ALOX5: variants seen among roughly 807,000 people sequenced by gnomAD.
ALOX5 encodes the protein polyunsaturated fatty acid 5-lipoxygenase.
ALOX5 carries 64 observed loss-of-function variants against 87.9 expected under a neutral mutation model. The ratio of observed to expected loss-of-function variants is 0.73; its 90% CI spans 0.60 to 0.90. The LOEUF is 0.90. ALOX5 is among the 40% of genes least tolerant of loss of function. ALOX5 has a pLI of 0.00. For missense variants in ALOX5, 822 were observed against 907.5 expected, an observed-to-expected ratio of 0.91 and a Z score of 1.21; for synonymous variants, 388 against 355.1, an observed-to-expected ratio of 1.09 and a Z score of -1.04.
At position 45,425,250 on chromosome 10, in the gene ALOX5, C is replaced by T. The variant is rs954515331; in HGVS notation, c.834+118C>T. ...GCTAACTGCAGGCCCATCTGGCCTA[C>T]AGCAGCCGCTTCCTTTTCCTGGCAG... is the stretch of plus-strand genomic sequence containing the variant. On this transcript the variant is annotated intron_variant, in intron 6 of 13. Transcript: ENST00000374391. This position sits in a 1 kb window ranked among gnomAD's most constrained non-coding sequence, Gnocchi z 4.4. The T allele has an allele frequency of 8.6e-6, 11 of 1,274,226 alleles. No individual in the cohort carries two copies. The highest frequency in any genetic ancestry group is 1.2e-5 in the Non-Finnish European group (11 of 943,828). The allele number at this position is 1,274,226 out of a possible 1,614,324, so 78.9% of individuals were successfully genotyped here.
intron 2 of ALOX5, among the ~76,000 whole-genome samples, chr10:45,394,803 A>G (rs984453088): frequency 4.6e-5 from 7 of 152,384 alleles, no homozygotes; most frequent in South Asian, 2.1e-4. Flanking sequence ...AAGGATATGA[A>G]CAGACACTTC....
chr10:45,389,250 C>G (rs1840114688), intron 2 of ALOX5, among the ~76,000 whole-genome samples: 2 of 152,132 alleles, frequency 1.3e-5, no homozygotes, highest in African/African-American at 4.8e-5. Flanking sequence ...GAGAATGGAA[C>G]CAGGTTGGAA....
chr10:45,380,524 TG>T (rs1839788752), intron 1 of ALOX5, among the ~76,000 whole-genome samples: 1 of 152,184 alleles, frequency 6.6e-6, no homozygotes, highest in African/African-American at 2.4e-5. Context: ...GGGCATGGAA[TG>T]GGGATGCCTG....
intron 7 of ALOX5, among the ~76,000 whole-genome samples, chr10:45,432,785 G>T (rs74831694): frequency 6.6e-6 from 1 of 152,202 alleles, no homozygotes; most frequent in Non-Finnish European, 1.5e-5. Context: ...AGGAAACCAA[G>T]AAGTTATAAG....
At chr10:45,426,977 AGCCAGT>A (rs1228502650) in intron 6 of ALOX5, among the ~76,000 whole-genome samples, 1 of 152,224 alleles carries the variant, frequency 6.6e-6, no homozygotes, top group African/African-American at 2.4e-5. Context: ...TGATTCTGTG[AGCCAGT>A]GCCCACGGCC....
At chr10:45,418,928 G>C (rs543060850) in intron 4 of ALOX5, among the ~76,000 whole-genome samples, 11 of 152,238 alleles carry the variant, frequency 7.2e-5, no homozygotes, top group Admixed American at 4.6e-4. Flanking sequence ...GCAGAAATGC[G>C]GCCGGTCCTG....
intron 2 of ALOX5, among the ~76,000 whole-genome samples, chr10:45,391,729 G>A (rs1006229039): frequency 4.0e-5 from 6 of 151,572 alleles, no homozygotes; most frequent in Non-Finnish European, 5.9e-5. Context: ...GAGATGTGGG[G>A]AGCACCACTG....
chr10:45,402,460 G>A (rs1840736318), intron 3 of ALOX5, among the ~76,000 whole-genome samples: 1 of 152,162 alleles, frequency 6.6e-6, no homozygotes, highest in Admixed American at 6.5e-5. Context: ...CATGCATCTC[G>A]AGGACAGGGG....
At chr10:45,400,765 AGG>A (rs1174492114) in intron 3 of ALOX5, among the ~76,000 whole-genome samples, 3 of 152,218 alleles carry the variant, frequency 2.0e-5, no homozygotes, top group African/African-American at 7.2e-5. Flanking sequence ...TCAGGTTAGT[AGG>A]TGAGTAGTTG....
intron 4 of ALOX5, among the ~76,000 whole-genome samples, chr10:45,415,271 T>TA (rs949730307): frequency 2.7e-4 from 41 of 152,350 alleles, no homozygotes; most frequent in Middle Eastern, 3.4e-3. Flanking sequence ...AAGGATGAGT[T>TA]AATGTCCTTT....
Position 45,441,353 on chromosome 10 carries a change from GCA to G in ALOX5, c.1199_1200del (p.His400ArgfsTer13). The G allele has an allele frequency of 6.2e-7, 1 of 1,613,202 alleles. No homozygotes were observed. Among genetic ancestry groups the G allele is most frequent in the South Asian group, 1.1e-5 (1 of 90,990 alleles). On this transcript the variant is annotated frameshift_variant, in exon 9 of 14. Coordinates refer to ENST00000374391, the MANE Select transcript of ALOX5 (RefSeq NM_000698.5). LOFTEE classifies it high-confidence loss of function. Reference protein sequence around the residue: ...AVHPIFKLLVAHVRFTIAINT... With the variant: ...AVHPIFKLLVXHVRFTIAINT... ...CCTCTCCCCTCCCCAGCTGCTGGTG[GCA>G]CACGTGAGATTCACCATTGCAATCA...
chr10:45,378,737 G>A (rs1382639726), intron 1 of ALOX5, among the ~76,000 whole-genome samples: 1 of 152,132 alleles, frequency 6.6e-6, no homozygotes. Context: ...ATCAAGCTTT[G>A]TCTTTTACTC....
Position 45,374,250 on chromosome 10 carries a change from C to G in ALOX5, c.-30C>G, listed in dbSNP as rs1208416966. On this transcript the variant is annotated 5_prime_UTR_variant, in exon 1 of 14. Coordinates refer to ENST00000374391, the MANE Select transcript of ALOX5 (RefSeq NM_000698.5). ...CACCTGGACCGCCGCGCCGAGGCTCCCGGCGCTCGCTGCTCCCGCGGCCCG... is the reference window on the plus strand; with the variant it reads ...CACCTGGACCGCCGCGCCGAGGCTCGCGGCGCTCGCTGCTCCCGCGGCCCG... 7.6e-6 allele frequency: 11 copies of G among 1,453,656 alleles called. No individual in the cohort carries two copies. The highest frequency in any genetic ancestry group is 9.1e-6 in the Non-Finnish European group (10 of 1,102,426). 90.0% of individuals were successfully genotyped at this position (1,453,656 alleles called of 1,614,324 possible). A position where few individuals can be genotyped will look rare whatever the true frequency, so the allele number is the denominator to read the frequency against.
intron 10 of ALOX5, 47 bp downstream of exon 10, chr10:45,443,263 T>G: frequency 6.3e-7 from 1 of 1,595,000 alleles, no homozygotes; most frequent in South Asian, 1.1e-5. Flanking sequence ...CCGGGACCCC[T>G]GCCTGACTAC....
intron 2 of ALOX5, among the ~76,000 whole-genome samples, chr10:45,382,918 C>G (rs945223630): frequency 2.6e-5 from 4 of 152,240 alleles, no homozygotes; most frequent in African/African-American, 9.6e-5. Context: ...CCTCACTCTG[C>G]GCTACAGTTC....
chr10:45,438,891 C>A (rs865909608), intron 7 of ALOX5, among the ~76,000 whole-genome samples: 4 of 152,176 alleles, frequency 2.6e-5, no homozygotes, highest in African/African-American at 2.4e-5. Context: ...CTCCCTCCCC[C>A]CTCCTTGGTC....
chr10:45,392,918 C>T (rs1840344718), intron 2 of ALOX5, among the ~76,000 whole-genome samples: 1 of 152,256 alleles, frequency 6.6e-6, no homozygotes, highest in South Asian at 2.1e-4. Flanking sequence ...AGTTGAATCC[C>T]TGAATAGACC....
intron 7 of ALOX5, among the ~76,000 whole-genome samples, chr10:45,435,700 A>T (rs1842043420): frequency 6.6e-6 from 1 of 152,190 alleles, no homozygotes; most frequent in Non-Finnish European, 1.5e-5. Context: ...ACCTAGGTTG[A>T]TTACATGATT....
chr10:45,409,509 G>GTCTC (rs71515351), intron 3 of ALOX5, among the ~76,000 whole-genome samples: 2,321 of 129,738 alleles, frequency 0.018, 113 homozygotes, highest in African/African-American at 0.046. Context: ...CTGTCTGTCT[G>GTCTC]TCTCTCTCTC....
Sources: allele counts gnomAD v4.1 joint callset (sites outside exome capture counted in the v4.1 genomes callset), GRCh38; gene constraint gnomAD v4.1.1; non-coding constraint Gnocchi (gnomAD v3.1); transcripts MANE v1.5; gene names NCBI Gene and HGNC (gene_info 2026-07-23, HGNC 2026-07-21).